PDE3B: variants seen among roughly 807,000 people sequenced by gnomAD.
The protein encoded by PDE3B is phosphodiesterase 3B.
PDE3B carries 66 observed loss-of-function variants against 116.8 expected under a neutral mutation model. That is an observed-to-expected ratio of 0.56 (90% CI 0.46 to 0.69). The LOEUF is 0.69. Ranked by LOEUF, PDE3B falls within the 30% of genes least tolerant of loss-of-function variation. The pLI, the probability that PDE3B is intolerant of heterozygous loss-of-function variation, is 0.00. For synonymous variants in PDE3B, 595 were observed against 533.6 expected, an observed-to-expected ratio of 1.12 and a Z score of -1.59; for missense variants, 1,384 against 1,368.1, an observed-to-expected ratio of 1.01 and a Z score of -0.18.
At chr11:14,848,605 A>C (rs1253283017) in intron 12 of PDE3B, among the ~76,000 whole-genome samples, 3 of 152,178 alleles carry the variant, frequency 2.0e-5, no homozygotes, top group Non-Finnish European at 2.9e-5. Context: ...GTCTCAGCCC[A>C]AAATCTCCTT....
At chr11:14,731,048 G>A (rs1363716061) in intron 1 of PDE3B, among the ~76,000 whole-genome samples, 3 of 152,118 alleles carry the variant, frequency 2.0e-5, no homozygotes, top group African/African-American at 7.2e-5. Flanking sequence ...CAAGTATGCA[G>A]TGACTTAGAT....
intron 4 of PDE3B, among the ~76,000 whole-genome samples, chr11:14,794,392 C>T (rs960213075): frequency 1.3e-5 from 2 of 151,370 alleles, no homozygotes; most frequent in African/African-American, 4.9e-5. Context: ...TCTCTGCCCA[C>T]TGCAGTCTCT....
At chr11:14,707,459 C>T (rs576372998) in intron 1 of PDE3B, among the ~76,000 whole-genome samples, 48 of 151,900 alleles carry the variant, frequency 3.2e-4, no homozygotes, top group African/African-American at 4.6e-4. Context: ...AGCTTGATGC[C>T]GTAAGCAAAG....
chr11:14,757,756 C>A, intron 1 of PDE3B, among the ~76,000 whole-genome samples: 1 of 150,226 alleles, frequency 6.7e-6, no homozygotes, highest in Non-Finnish European at 1.5e-5. Flanking sequence ...TGTAGGGTGC[C>A]TGTTCACTCT....
the PDE3B span, chr11:14,891,908 C>T: frequency 6.5e-7 from 1 of 1,544,036 alleles, no homozygotes; most frequent in Non-Finnish European, 8.8e-7. Flanking sequence ...GGCCATAAGT[C>T]CAACCAGGAA....
At chr11:14,890,082 T>C in the PDE3B span, among the ~76,000 whole-genome samples, 1 of 152,126 alleles carries the variant, frequency 6.6e-6, no homozygotes, top group South Asian at 2.1e-4. Flanking sequence ...TGAGCCGAGA[T>C]GGCGTCACTG....
intron 10 of PDE3B, among the ~76,000 whole-genome samples, chr11:14,834,055 ATAAT>A (rs1353694735): frequency 6.6e-6 from 1 of 152,190 alleles, no homozygotes; most frequent in Non-Finnish European, 1.5e-5. Context: ...CTAATATAAG[ATAAT>A]TAATGTAAAG....
In PDE3B at chr11:14,644,524, G is replaced by A. The variant is rs1439973483; in HGVS notation, c.449G>A (p.Gly150Asp). Residue 150 changes from glycine (G) to aspartate (D), a missense_variant, in exon 1 of 16, where the codon GGC (glycine) becomes GAC (aspartate). Coordinates refer to ENST00000282096, the MANE Select transcript of PDE3B (RefSeq NM_000922.4). ...KRGPGPGRSC[G>D]SWWLLALPAC... ...GGACCCGGCCCGGGCCGGAGCTGCG[G>A]CTCCTGGTGGCTGCTGGCGCTGCCC... 1 of 1,606,736 alleles carries A rather than the reference G, an allele frequency of 6.2e-7. No homozygotes were observed.
At chr11:14,845,464 C>A (rs1432426737) in intron 12 of PDE3B, among the ~76,000 whole-genome samples, 4 of 151,792 alleles carry the variant, frequency 2.6e-5, no homozygotes, top group African/African-American at 9.7e-5. Flanking sequence ...AGCTCCTCAC[C>A]AGCAATGGAA....
chr11:14,878,369 G>A, the PDE3B span: 1 of 1,397,162 alleles, frequency 7.2e-7, no homozygotes, highest in South Asian at 1.2e-5. Flanking sequence ...CTAATATTTG[G>A]ATGTCATTCA....
chr11:14,873,325 A>G (rs1760183172), downstream of PDE3B, among the ~76,000 whole-genome samples: 1 of 152,218 alleles, frequency 6.6e-6, no homozygotes, highest in South Asian at 2.1e-4. Flanking sequence ...ATAAAAGCCA[A>G]TTAGATCTGT....
intron 2 of PDE3B, among the ~76,000 whole-genome samples, chr11:14,780,422 A>T (rs1427910676): frequency 6.6e-6 from 1 of 152,148 alleles, no homozygotes. Context: ...GAAGTAAAGC[A>T]CTCCTCAGCA....
chr11:14,882,719 A>G, the PDE3B span, among the ~76,000 whole-genome samples: 6 of 152,336 alleles, frequency 3.9e-5, no homozygotes, highest in South Asian at 6.2e-4. Flanking sequence ...AGGGTATTCA[A>G]TTAGGAAAAG....
chr11:14,856,493 AT>A (rs1325771884), intron 12 of PDE3B, among the ~76,000 whole-genome samples: 7 of 151,586 alleles, frequency 4.6e-5, no homozygotes, highest in East Asian at 1.9e-4. Flanking sequence ...TCTCTACTGA[AT>A]TTTTTTTTGA....
chr11:14,676,301 C>T (rs560033456), intron 1 of PDE3B, among the ~76,000 whole-genome samples: 1 of 152,240 alleles, frequency 6.6e-6, no homozygotes, highest in Admixed American at 6.5e-5. Flanking sequence ...AGAGTACTTA[C>T]ACAAACCTAG....
At chr11:14,758,936 C>T (rs1158206126) in intron 1 of PDE3B, among the ~76,000 whole-genome samples, 10 of 152,048 alleles carry the variant, frequency 6.6e-5, no homozygotes, top group South Asian at 2.1e-4. Flanking sequence ...TTTTGAGATA[C>T]GTCCCATCAA....
chr11:14,787,000 C>G (rs1858226284), intron 3 of PDE3B, among the ~76,000 whole-genome samples: 2 of 151,918 alleles, frequency 1.3e-5, no homozygotes, highest in Non-Finnish European at 2.9e-5. Context: ...CGTTATTGCT[C>G]TATTTTATTC....
intron 11 of PDE3B, among the ~76,000 whole-genome samples, chr11:14,842,610 A>G (rs984596783): frequency 2.6e-5 from 4 of 152,186 alleles, no homozygotes; most frequent in African/African-American, 9.7e-5. Context: ...GTAGTGGTAC[A>G]TAACTCTAGT....
chr11:14,848,447 C>G (rs1412460615), intron 12 of PDE3B, among the ~76,000 whole-genome samples: 1 of 151,318 alleles, frequency 6.6e-6, no homozygotes, highest in Admixed American at 6.6e-5. Flanking sequence ...GATGCCCTCT[C>G]TCACCACTCC....
Sources: gnomAD v4.1 joint callset for allele counts (sites outside exome capture counted in the v4.1 genomes callset) on GRCh38, gnomAD v4.1.1 for gene constraint, MANE v1.5 for transcripts, NCBI Gene and HGNC (gene_info 2026-07-23, HGNC 2026-07-21) for gene names.